NDUFAF7: variants seen among roughly 807,000 people sequenced by gnomAD.
NDUFAF7 encodes the protein protein arginine methyltransferase NDUFAF7, mitochondrial.
In NDUFAF7, 48 loss-of-function variants were observed where a neutral mutation model predicts 47.2. The observed-to-expected ratio is 1.02, with a 90% CI of 0.81 to 1.29. NDUFAF7 has a LOEUF of 1.29. Ranked by LOEUF, NDUFAF7 falls within the 50% of genes most tolerant of loss-of-function variation. The probability of loss-of-function intolerance (pLI) is 0.00; values close to 1 mark genes in which losing one functional copy is unlikely to be tolerated. For missense variants in NDUFAF7, 635 were observed against 537.6 expected (o/e 1.18, Z -1.79); for synonymous variants, 217 against 190.0 (o/e 1.14, Z -1.17).
the NDUFAF7 span, chr2:37,268,063 T>G: frequency 1.0e-5 from 2 of 196,426 alleles, no homozygotes; most frequent in Non-Finnish European, 2.1e-5. Context: ...CCTCATTTAT[T>G]AATTCAAATT....
downstream of NDUFAF7, chr2:37,254,085 T>G (rs1667741928): frequency 1.4e-6 from 1 of 716,402 alleles, no homozygotes; most frequent in Non-Finnish European, 2.4e-6. Context: ...TAGTACAAAT[T>G]AATCACTTAA....
At chr2:37,243,119 A>T (rs1666524306) in intron 6 of NDUFAF7, among the ~76,000 whole-genome samples, 2 of 152,114 alleles carry the variant, frequency 1.3e-5, no homozygotes, top group African/African-American at 4.8e-5. Context: ...GCGCCACTGC[A>T]CCCAGCCAAC....
chr2:37,250,416 G>T (rs974253262), downstream of NDUFAF7: 2 of 151,990 alleles, frequency 1.3e-5, no homozygotes, highest in African/African-American at 4.8e-5. Context: ...AAGCCTTCTG[G>T]TAGTATAACA....
intron 8 of NDUFAF7, 60 bp from the exon 9 acceptor site, chr2:37,247,396 A>G: frequency 1.3e-6 from 2 of 1,559,062 alleles, no homozygotes; most frequent in South Asian, 1.1e-5. Flanking sequence ...TTAATATGAT[A>G]GCATTTCTTT....
intron 3 of NDUFAF7, 38 bp from the exon 4 acceptor site, chr2:37,237,718 TA>T: frequency 7.0e-7 from 1 of 1,424,580 alleles, no homozygotes; most frequent in Non-Finnish European, 9.9e-7. Context: ...TTATACTTTA[TA>T]ATACTTTAAT....
the NDUFAF7 span, among the ~76,000 whole-genome samples, chr2:37,258,869 T>C: frequency 6.6e-6 from 1 of 152,184 alleles, no homozygotes; most frequent in Admixed American, 6.5e-5. Flanking sequence ...TTCAAATGTA[T>C]ATAAACAATA....
downstream of NDUFAF7, chr2:37,256,577 C>T (rs1162563946): frequency 1.4e-6 from 2 of 1,387,856 alleles, no homozygotes; most frequent in Non-Finnish European, 1.9e-6. Context: ...TTGCAAGAGA[C>T]AGACTGATTT....
At chr2:37,263,376 T>G in the NDUFAF7 span, among the ~76,000 whole-genome samples, 3 of 152,362 alleles carry the variant, frequency 2.0e-5, no homozygotes, top group East Asian at 5.8e-4. Context: ...TACGACTGCT[T>G]TTTTGAATTA....
intron 4 of NDUFAF7, among the ~76,000 whole-genome samples, chr2:37,241,006 T>C (rs1410263069): frequency 6.6e-6 from 1 of 152,248 alleles, no homozygotes. Flanking sequence ...TGATACACTT[T>C]ATGCTTTTGC....
At chr2:37,259,125 G>T in the NDUFAF7 span, among the ~76,000 whole-genome samples, 2 of 152,100 alleles carry the variant, frequency 1.3e-5, no homozygotes, top group African/African-American at 2.4e-5. Flanking sequence ...GAAGCACGAT[G>T]CCATTGTGTG....
chr2:37,260,618 T>TA, the NDUFAF7 span, among the ~76,000 whole-genome samples: 1 of 152,216 alleles, frequency 6.6e-6, no homozygotes, highest in African/African-American at 2.4e-5. Flanking sequence ...TTTGATTATA[T>TA]AATCACTCTT....
chr2:37,270,410 A>T, the NDUFAF7 span, among the ~76,000 whole-genome samples: 2 of 149,952 alleles, frequency 1.3e-5, no homozygotes, highest in Non-Finnish European at 3.0e-5. Context: ...ACTTTGAGAG[A>T]CTGAAGAAAA....
Position 37,248,578 on chromosome 2 carries a change from T to C in NDUFAF7, c.*228T>C, listed in dbSNP as rs1321877467. On this transcript the variant is annotated 3_prime_UTR_variant, in exon 10 of 10. Transcript: ENST00000002125. ...AAGTTATTGTGAAACTGAGTTTCCT[T>C]TAACTTACAAAGCTAGTTGCCATAT... The C allele has an allele frequency of 3.6e-6, 2 of 549,518 alleles. No individual in the cohort carries two copies. Among genetic ancestry groups the C allele is most frequent in the African/African-American group, 3.8e-5 (2 of 52,698 alleles). The allele number at this position is 549,518 out of a possible 1,614,324, so 34.0% of individuals were successfully genotyped here.
At chr2:37,252,978 G>T, downstream of NDUFAF7, 2 of 442,080 alleles carry the variant, frequency 4.5e-6, no homozygotes, top group Non-Finnish European at 3.7e-6. Flanking sequence ...GCTTCACCTT[G>T]ATTCCATTAT....
chr2:37,242,795 G>A, intron 6 of NDUFAF7, 102 bp downstream of exon 6: 21 of 892,584 alleles, frequency 2.4e-5, no homozygotes, highest in Admixed American at 1.2e-4. Flanking sequence ...TACTTGTTGA[G>A]GTTATTTTTA....
chr2:37,257,285 A>T (rs959291378), downstream of NDUFAF7, among the ~76,000 whole-genome samples: 7 of 152,144 alleles, frequency 4.6e-5, no homozygotes, highest in East Asian at 9.6e-4. Context: ...ATCATCTGTG[A>T]GCAGGAATTG....
chr2:37,253,050 A>T, downstream of NDUFAF7: 2 of 969,110 alleles, frequency 2.1e-6, no homozygotes, highest in Non-Finnish European at 1.5e-6. Context: ...TACTGGTGTC[A>T]CTTATTCGTT....
the NDUFAF7 span, chr2:37,269,531 G>A: frequency 8.2e-7 from 1 of 1,224,078 alleles, no homozygotes; most frequent in Admixed American, 1.7e-5. Context: ...AAAACTATGA[G>A]ATGACAAAAC....
the NDUFAF7 span, chr2:37,269,736 T>C: frequency 2.3e-6 from 3 of 1,285,688 alleles, no homozygotes. Flanking sequence ...TATAATACAA[T>C]GTCAACATCT....
Sources: gnomAD v4.1 joint callset for allele counts (sites outside exome capture counted in the v4.1 genomes callset) on GRCh38, gnomAD v4.1.1 for gene constraint, MANE v1.5 for transcripts, NCBI Gene and HGNC (gene_info 2026-07-23, HGNC 2026-07-21) for gene names.